The following PTPRT variants were observed in gnomAD, a reference collection of about 807,000 sequenced individuals.
The protein encoded by PTPRT is protein tyrosine phosphatase receptor type T, also known as receptor-type tyrosine-protein phosphatase T.
PTPRT carries 56 observed loss-of-function variants against 176.8 expected under a neutral mutation model. The observed-to-expected ratio is 0.32, with a 90% CI of 0.26 to 0.40. The LOEUF is 0.40. Ranked by LOEUF, PTPRT falls within the 10% of genes least tolerant of loss-of-function variation. The pLI, the probability that PTPRT is intolerant of heterozygous loss-of-function variation, is 1.00. For missense variants in PTPRT, 1,540 were observed against 1,908.2 expected, an observed-to-expected ratio of 0.81 and a Z score of 3.60; for synonymous variants, 783 against 739.0, an observed-to-expected ratio of 1.06 and a Z score of -0.96.
intron 1 of PTPRT, among the ~76,000 whole-genome samples, chr20:42,939,619 A>ACTTACTTACTTACTTACTT (rs1178469165): frequency 5.9e-5 from 9 of 152,152 alleles, no homozygotes; most frequent in Non-Finnish European, 1.0e-4. Flanking sequence ...ATTTACTTGA[A>ACTTACTTACTTACTTACTT]ACTTACTAGT....
At chr20:43,140,557 G>A (rs2013974323) in intron 1 of PTPRT, among the ~76,000 whole-genome samples, 2 of 150,226 alleles carry the variant, frequency 1.3e-5, no homozygotes, top group African/African-American at 4.9e-5. Context: ...AGTGGTTTTG[G>A]GTTTTTTTAA....
At position 43,127,305 on chromosome 20, in the gene PTPRT, C is replaced by A. The variant is rs190730236; in HGVS notation, c.88+62341G>T. Among the ~76,000 whole-genome samples the A allele has an allele frequency of 6.5e-3, 982 of 151,964 alleles. 26 individuals are homozygous for A. Among genetic ancestry groups the A allele is most frequent in the Admixed American group, 0.05 (756 of 15,268 alleles). ...GGGCGTGGTGGTGGGCACCTGTAGT[C>A]CCAGCTACTCGGGAGGCTGAGGCAG... On this transcript the variant is annotated intron_variant, in intron 1 of 30. Coordinates refer to ENST00000373187, the MANE Select transcript of PTPRT (RefSeq NM_007050.6).
chr20:42,428,411 C>T (rs554911239), intron 9 of PTPRT, among the ~76,000 whole-genome samples: 18 of 152,264 alleles, frequency 1.2e-4, no homozygotes, highest in African/African-American at 3.9e-4. Flanking sequence ...TACAGACAGC[C>T]CTGTCCATTT....
At chr20:42,782,965 T>G (rs1221306951) in intron 3 of PTPRT, among the ~76,000 whole-genome samples, 1 of 152,198 alleles carries the variant, frequency 6.6e-6, no homozygotes, top group East Asian at 1.9e-4. Flanking sequence ...AAAAAGCAAG[T>G]ATATATAATG....
intron 1 of PTPRT, among the ~76,000 whole-genome samples, chr20:42,913,491 A>G (rs1332148474): frequency 6.6e-6 from 1 of 152,062 alleles, no homozygotes; most frequent in Non-Finnish European, 1.5e-5. Flanking sequence ...TACCAATCAT[A>G]CTGTATCAGG....
At position 42,476,955 on chromosome 20, in the gene PTPRT, G is replaced by A. The variant is rs181041563; in HGVS notation, c.1154-4393C>T. ...ATGTGCAAAATCACAGATGGGTCTG[G>A]GATAAGAATACACATTTTAGTCTGT... is the stretch of plus-strand genomic sequence containing the variant. On this transcript the variant is annotated intron_variant, in intron 7 of 30. Transcript: ENST00000373187. 1.5e-3 allele frequency among the ~76,000 whole-genome samples: 224 copies of A among 152,248 alleles called. 1 individual carries two copies. The highest frequency in any genetic ancestry group is 4.8e-3 in the African/African-American group (201 of 41,562).
intron 7 of PTPRT, among the ~76,000 whole-genome samples, chr20:42,668,696 CT>C (rs34658528): frequency 1.2e-3 from 173 of 140,972 alleles, no homozygotes; most frequent in African/African-American, 1.5e-3. Flanking sequence ...GCGGATAATT[CT>C]TTTTTTTTTT....
chr20:42,442,520 C>T (rs1357641949), intron 9 of PTPRT, among the ~76,000 whole-genome samples: 1 of 152,190 alleles, frequency 6.6e-6, no homozygotes, highest in Non-Finnish European at 1.5e-5. Flanking sequence ...CCCATTCCTG[C>T]CTCATTAGGG....
intron 15 of PTPRT, among the ~76,000 whole-genome samples, chr20:42,215,250 G>A (rs535756562): frequency 6.6e-6 from 1 of 152,226 alleles, no homozygotes; most frequent in Non-Finnish European, 1.5e-5. Flanking sequence ...ATGGGCTCTG[G>A]CCCTGGACTG....
intron 7 of PTPRT, among the ~76,000 whole-genome samples, chr20:42,583,341 C>T (rs2073411786): frequency 6.6e-6 from 1 of 152,208 alleles, no homozygotes; most frequent in Non-Finnish European, 1.5e-5. Context: ...CTAAGCCTCA[C>T]TGTTCTTCAT....
chr20:42,229,899 A>G (rs1312795600), intron 15 of PTPRT, among the ~76,000 whole-genome samples: 1 of 152,128 alleles, frequency 6.6e-6, no homozygotes, highest in African/African-American at 2.4e-5. Context: ...TGTTGACTTT[A>G]GCTGTATGTC....
intron 12 of PTPRT, among the ~76,000 whole-genome samples, chr20:42,311,753 T>G (rs1301985150): frequency 6.6e-6 from 1 of 152,132 alleles, no homozygotes; most frequent in African/African-American, 2.4e-5. Context: ...ATAGTTTTGA[T>G]TTTCATGTTT....
At chr20:43,062,842 AAAG>A (rs1568761457) in intron 1 of PTPRT, among the ~76,000 whole-genome samples, 2 of 152,188 alleles carry the variant, frequency 1.3e-5, no homozygotes, top group Non-Finnish European at 1.5e-5. Flanking sequence ...ATTGAGGGGA[AAAG>A]AATCCTGGAC....
intron 27 of PTPRT, among the ~76,000 whole-genome samples, chr20:42,087,607 G>A (rs1249984692): frequency 6.6e-6 from 1 of 150,812 alleles, no homozygotes; most frequent in Non-Finnish European, 1.5e-5. Flanking sequence ...TGGGTGCGGT[G>A]GCTTACGCCT....
chr20:42,293,569 G>A (rs2057347345), intron 12 of PTPRT, among the ~76,000 whole-genome samples: 1 of 152,020 alleles, frequency 6.6e-6, no homozygotes, highest in South Asian at 2.1e-4. Context: ...ACTTTTTTAG[G>A]AGATTATAAT....
intron 1 of PTPRT, among the ~76,000 whole-genome samples, chr20:43,063,108 T>C (rs1433167483): frequency 6.6e-6 from 1 of 152,160 alleles, no homozygotes; most frequent in Non-Finnish European, 1.5e-5. Flanking sequence ...AATTAGAAAT[T>C]TTCAGGGTTC....
At position 42,739,172 on chromosome 20, in the gene PTPRT, C is replaced by T. The variant is rs74936426; in HGVS notation, c.859+17290G>A. ...ATGCCACACATTTGTGCAGGCTCGACCCCTGCACCTGAGAGTCTGCAGAAG... is the reference window on the plus strand; with the variant it reads ...ATGCCACACATTTGTGCAGGCTCGATCCCTGCACCTGAGAGTCTGCAGAAG... On this transcript the variant is annotated intron_variant, in intron 6 of 30. Transcript: ENST00000373187. Among the ~76,000 whole-genome samples the T allele has an allele frequency of 8.5e-3, 1,300 of 152,322 alleles. 10 individuals are homozygous for T. Among genetic ancestry groups the T allele is most frequent in the Non-Finnish European group, 0.014 (959 of 68,038 alleles).
intron 7 of PTPRT, among the ~76,000 whole-genome samples, chr20:42,648,175 G>A (rs2074948710): frequency 6.6e-6 from 1 of 152,096 alleles, no homozygotes; most frequent in African/African-American, 2.4e-5. Flanking sequence ...GTTATTGGCT[G>A]TCATATTGAA....
At chr20:43,073,498 T>G (rs1348046842) in intron 1 of PTPRT, among the ~76,000 whole-genome samples, 5 of 138,086 alleles carry the variant, frequency 3.6e-5, no homozygotes, top group Non-Finnish European at 7.9e-5. Flanking sequence ...CACACACGTG[T>G]GCTATACACA....
Sources: gnomAD v4.1 joint callset for allele counts (sites outside exome capture counted in the v4.1 genomes callset) on GRCh38, gnomAD v4.1.1 for gene constraint, MANE v1.5 for transcripts, NCBI Gene and HGNC (gene_info 2026-07-23, HGNC 2026-07-21) for gene names.